RXFP2: variants seen among roughly 807,000 people sequenced by gnomAD.
RXFP2 encodes the protein relaxin family peptide receptor 2, also known as relaxin receptor 2.
In RXFP2, 68 loss-of-function variants were observed where a neutral mutation model predicts 88.6. The observed-to-expected ratio is 0.77, with a 90% confidence interval of 0.63 to 0.94. The LOEUF (loss-of-function observed/expected upper bound fraction) is 0.94, where lower values mean the gene tolerates loss of function less well. Ranked by LOEUF, RXFP2 falls within the 40% of genes least tolerant of loss-of-function variation. The probability of loss-of-function intolerance (pLI) is 0.00; values close to 1 mark genes in which losing one functional copy is unlikely to be tolerated. For missense variants in RXFP2, 791 were observed against 893.9 expected (o/e 0.88, Z 1.47); for synonymous variants, 329 against 306.8 (o/e 1.07, Z -0.76).
chr13:31,790,332 T>C (rs1344705837), intron 14 of RXFP2, among the ~76,000 whole-genome samples: 2 of 152,036 alleles, frequency 1.3e-5, no homozygotes, highest in Non-Finnish European at 1.5e-5. Context: ...AATGGAATCC[T>C]AAAAGGACCA....
chr13:31,748,053 G>A (rs544521939), intron 1 of RXFP2, among the ~76,000 whole-genome samples: 14 of 152,280 alleles, frequency 9.2e-5, no homozygotes, highest in African/African-American at 3.4e-4. Flanking sequence ...AATCACTTTG[G>A]ATGTTGTAGT....
intron 3 of RXFP2, among the ~76,000 whole-genome samples, chr13:31,762,083 T>C (rs537230644): frequency 2.0e-5 from 3 of 152,366 alleles, no homozygotes; most frequent in African/African-American, 7.2e-5. Flanking sequence ...CTTTTAACTA[T>C]TTTCTTCAAG....
chr13:31,786,482 A>G, intron 12 of RXFP2, 28 bp downstream of exon 12: 1 of 1,566,516 alleles, frequency 6.4e-7, no homozygotes, highest in Non-Finnish European at 8.8e-7. Context: ...CCATAATCAG[A>G]TTTAAAGGGC....
In RXFP2 at chr13:31,802,530, A is replaced by T. The variant is rs1016448376; in HGVS notation, c.*125A>T. 2.4e-5 allele frequency: 25 copies of T among 1,034,072 alleles called. No homozygotes were observed. The highest frequency in any genetic ancestry group is 3.7e-5 in the Non-Finnish European group (25 of 668,684). The allele number at this position is 1,034,072 out of a possible 1,614,324, so 64.1% of individuals were successfully genotyped here. A position where few individuals can be genotyped will look rare whatever the true frequency, so the allele number is the denominator to read the frequency against. ...AGCCTTTCTGCACAGAGAGCACAGCAGAATGGCTCCTGTCACTGCATTCCA... is the reference window on the plus strand; with the variant it reads ...AGCCTTTCTGCACAGAGAGCACAGCTGAATGGCTCCTGTCACTGCATTCCA... On this transcript the variant is annotated 3_prime_UTR_variant, in exon 18 of 18. Transcript: ENST00000298386.
chr13:31,772,671 A>T (rs1261814015), intron 5 of RXFP2, among the ~76,000 whole-genome samples: 4 of 152,190 alleles, frequency 2.6e-5, no homozygotes, highest in South Asian at 4.1e-4. Flanking sequence ...CGTAGGAGGG[A>T]CTACAGTTCT....
At chr13:31,769,407 A>G (rs903112435) in intron 5 of RXFP2, among the ~76,000 whole-genome samples, 2 of 152,160 alleles carry the variant, frequency 1.3e-5, no homozygotes, top group East Asian at 1.9e-4. Context: ...AAGACTAGCT[A>G]TCATCACCCT....
intron 9 of RXFP2, among the ~76,000 whole-genome samples, chr13:31,778,859 T>G (rs113694417): frequency 6.6e-6 from 1 of 152,136 alleles, no homozygotes; most frequent in Admixed American, 6.6e-5. Context: ...AAACTACTAC[T>G]CCTACAGTCA....
rs918698797 is a variant in RXFP2, at chr13:31,742,524, T to C, written c.94+2818T>C. Among the ~76,000 whole-genome samples, 55 of 152,118 alleles carry C rather than the reference T, an allele frequency of 3.6e-4. 1 individual carries two copies. Among genetic ancestry groups the C allele is most frequent in the Non-Finnish European group, 8.8e-5 (6 of 68,014 alleles). On this transcript the variant is annotated intron_variant, in intron 1 of 17. Coordinates refer to ENST00000298386, the MANE Select transcript of RXFP2 (RefSeq NM_130806.5). ...CCACTGTGAGGGAGGAGGAAAAAGA[T>C]TGGGAACATGGGAGTTAAAACCTTT... is the stretch of plus-strand genomic sequence containing the variant.
rs1489646938 is a variant in RXFP2 at position 31,758,390 on chromosome 13, A to G, written c.227A>G (p.Asp76Gly). 1.9e-6 allele frequency: 3 copies of G among 1,614,094 alleles called. No homozygotes were observed. Among genetic ancestry groups the G allele is most frequent in the Admixed American group, 1.7e-5 (1 of 60,014 alleles). Reference sequence around the variant, plus strand: ...AAGGATGACTGTGGGAACGGGGCGGACGAAGAGAACTGTGGTGAGTGCTCC... The same window carrying G: ...AAGGATGACTGTGGGAACGGGGCGGGCGAAGAGAACTGTGGTGAGTGCTCC... ...DGKDDCGNGA[D>G]EENCGDTSGW... is the part of the protein sequence containing the mutation. Residue 76 changes from aspartate to glycine, a missense_variant, in exon 2 of 18, where the codon GAC (aspartate) becomes GGC (glycine). Physicochemically the swap from Asp to Gly is moderately conservative, Grantham distance 94. Coordinates refer to ENST00000298386, the MANE Select transcript of RXFP2 (RefSeq NM_130806.5).
At chr13:31,739,748 A>C (rs1244132309) in intron 1 of RXFP2, 42 bp downstream of exon 1, 1 of 1,207,636 alleles carries the variant, frequency 8.3e-7, no homozygotes, top group Non-Finnish European at 1.2e-6. Flanking sequence ...TGCAATTCCC[A>C]AAAAATACAT....
chr13:31,758,507 G>T lies in RXFP2; in HGVS notation c.241+103G>T. On this transcript the variant is annotated intron_variant, in intron 2 of 17. Coordinates refer to ENST00000298386, the MANE Select transcript of RXFP2 (RefSeq NM_130806.5). ...TGTGATAAACTAGGAAAGCTGATTT[G>T]GTGTTCTGTAGGGATTTCCTTTGAA... The T allele has an allele frequency of 2.9e-6, 4 of 1,391,422 alleles. No individual in the cohort carries two copies. In the South Asian group the frequency reaches 3.6e-5, roughly 13 times the overall value. The allele number at this position is 1,391,422 out of a possible 1,614,324, so 86.2% of individuals were successfully genotyped here.
At position 31,796,757 on chromosome 13, in the gene RXFP2, G is replaced by T. The variant is rs528973510; in HGVS notation, c.1787-444G>T. ...AAAAGAATGCTTCCTGGAAGTGCCC[G>T]TGGAAGAGGCACTGTATTTAACATC... On this transcript the variant is annotated intron_variant, in intron 16 of 17. Coordinates refer to ENST00000298386, the MANE Select transcript of RXFP2 (RefSeq NM_130806.5). Among the ~76,000 whole-genome samples the T allele has an allele frequency of 1.1e-4, 17 of 152,312 alleles. No individual in the cohort carries two copies. The South Asian group carries it at 3.5e-3, about 32-fold the overall frequency.
intron 2 of RXFP2, among the ~76,000 whole-genome samples, chr13:31,760,216 G>C (rs1433688501): frequency 6.6e-6 from 1 of 152,062 alleles, no homozygotes; most frequent in East Asian, 1.9e-4. Context: ...AGCCTCATGA[G>C]TAGCTGGGAT....
chr13:31,782,720 T>A lies in RXFP2; in HGVS notation c.902T>A (p.Phe301Tyr). The change falls in exon 11 of 18, where the codon TTT (phenylalanine) becomes TAT (tyrosine). Residue 301 changes from phenylalanine to tyrosine, a missense_variant. Coordinates refer to ENST00000298386, the MANE Select transcript of RXFP2 (RefSeq NM_130806.5). ...NQIGFVPEKT[F>Y]SSLKNLGELD... ...ATTGGTTTTGTTCCAGAGAAGACAT[T>A]TTCTTCATTAAAAAATTTAGGAGAA... 1 of 1,609,782 alleles carries A rather than the reference T, an allele frequency of 6.2e-7. No individual in the cohort carries two copies. The highest frequency in any genetic ancestry group is 8.5e-7 in the Non-Finnish European group (1 of 1,176,020).
At chr13:31,742,829 T>C (rs1871269882) in intron 1 of RXFP2, among the ~76,000 whole-genome samples, 1 of 152,186 alleles carries the variant, frequency 6.6e-6, no homozygotes, top group Non-Finnish European at 1.5e-5. Flanking sequence ...TAAATAGTTA[T>C]GCAACAAAAA....
At chr13:31,771,791 TA>T (rs112121434) in intron 5 of RXFP2, among the ~76,000 whole-genome samples, 108 of 144,372 alleles carry the variant, frequency 7.5e-4, no homozygotes, top group African/African-American at 1.3e-3. Flanking sequence ...AACTCTGTCT[TA>T]AAAAAAAAAA....
chr13:31,741,669 G>A (rs1413303047), intron 1 of RXFP2, among the ~76,000 whole-genome samples: 1 of 152,000 alleles, frequency 6.6e-6, no homozygotes. Context: ...CCTAAGGAAT[G>A]AGTGATTGCC....
At chr13:31,754,799 T>C (rs1277353918) in intron 1 of RXFP2, among the ~76,000 whole-genome samples, 1 of 152,250 alleles carries the variant, frequency 6.6e-6, no homozygotes, top group Non-Finnish European at 1.5e-5. Context: ...ACATGTGATA[T>C]GGCTTTTAAG....
intron 5 of RXFP2, among the ~76,000 whole-genome samples, chr13:31,771,389 C>T (rs573325633): frequency 1.3e-5 from 2 of 152,310 alleles, no homozygotes; most frequent in South Asian, 2.1e-4. Flanking sequence ...AGTGTGAACA[C>T]TATTGTGAAC....
Sources: gnomAD v4.1 joint callset for allele counts (sites outside exome capture counted in the v4.1 genomes callset) on GRCh38, gnomAD v4.1.1 for gene constraint, MANE v1.5 for transcripts, NCBI Gene and HGNC (gene_info 2026-07-23, HGNC 2026-07-21) for gene names.